The following PPP4R4 variants were observed in gnomAD, a reference collection of about 807,000 sequenced individuals.
PPP4R4 encodes the protein protein phosphatase 4 regulatory subunit 4.
Under a neutral mutation model 121.8 loss-of-function variants are expected in PPP4R4, and 70 were observed. The ratio of observed to expected loss-of-function variants is 0.57; its 90% CI spans 0.47 to 0.70. PPP4R4 has a LOEUF of 0.70. Among genes scored for constraint, PPP4R4 ranks in the 30% least tolerant of loss-of-function variants. The pLI, the probability that PPP4R4 is intolerant of heterozygous loss-of-function variation, is 0.00. For missense variants in PPP4R4, 875 were observed against 1,033.6 expected (o/e 0.85, Z 2.10); for synonymous variants, 348 against 355.7 (o/e 0.98, Z 0.24).
At position 94,246,374 on chromosome 14, in the gene PPP4R4, CT is replaced by C; in HGVS notation, c.1448del (p.Leu483Ter). ...ATTTTCAGTTATCTTCTCTGCCTGA[CT>C]TGATTCCAGCACTCACAGCTGCTGA... ...QENKLSSLPD[L>X]IPALTAAEQR... On this transcript the variant is annotated frameshift_variant, in exon 14 of 25. Coordinates refer to ENST00000304338, the MANE Select transcript of PPP4R4 (RefSeq NM_058237.2). LOFTEE classifies it high-confidence loss of function. The C allele has an allele frequency of 6.2e-7, 1 of 1,603,822 alleles. No individual in the cohort carries two copies. The highest frequency in any genetic ancestry group is 8.5e-7 in the Non-Finnish European group (1 of 1,177,348).
intron 13 of PPP4R4, 123 bp from the exon 14 acceptor site, chr14:94,246,234 G>C (rs1892887055): frequency 1.4e-6 from 1 of 719,866 alleles, no homozygotes; most frequent in South Asian, 2.8e-5. Flanking sequence ...TGACAACTAA[G>C]ATGTCTCCTA....
chr14:94,258,511 A>G (rs1893597925), intron 17 of PPP4R4, among the ~76,000 whole-genome samples: 1 of 152,178 alleles, frequency 6.6e-6, no homozygotes, highest in Admixed American at 6.5e-5. Flanking sequence ...AATTAGTTAG[A>G]TTATATGCAT....
At chr14:94,232,794 C>A (rs1003167222) in intron 5 of PPP4R4, among the ~76,000 whole-genome samples, 2 of 152,036 alleles carry the variant, frequency 1.3e-5, no homozygotes, top group African/African-American at 4.8e-5. Context: ...CGCGGTGGCT[C>A]ACACCTGTAA....
intron 3 of PPP4R4, chr14:94,227,478 C>T: frequency 6.9e-7 from 1 of 1,457,618 alleles, no homozygotes; most frequent in South Asian, 1.5e-5. Context: ...GTGCTGGTTT[C>T]TTAACAGTGG....
chr14:94,250,538 C>T (rs567634959), intron 15 of PPP4R4, among the ~76,000 whole-genome samples: 1 of 151,928 alleles, frequency 6.6e-6, no homozygotes, highest in South Asian at 2.1e-4. Context: ...CCAGTATCTC[C>T]CCTGATGAAA....
In PPP4R4 at chr14:94,279,625, G is replaced by A. The variant is rs906127040; in HGVS notation, c.*982G>A. The A allele has an allele frequency of 6.6e-6, 1 of 152,516 alleles. No homozygotes were observed. Among genetic ancestry groups the A allele is most frequent in the Non-Finnish European group, 1.5e-5 (1 of 68,004 alleles). The allele number at this position is 152,516 out of a possible 1,614,324, so 9.4% of individuals were successfully genotyped here. A position where few individuals can be genotyped will look rare whatever the true frequency, so the allele number is the denominator to read the frequency against. On this transcript the variant is annotated 3_prime_UTR_variant, in exon 25 of 25. Coordinates refer to ENST00000304338, the MANE Select transcript of PPP4R4 (RefSeq NM_058237.2). ...TATTTGTTTTTTAAAATATATTGAT[G>A]TATGATAAAGATGATCTAATTTGTG...
intron 2 of PPP4R4, among the ~76,000 whole-genome samples, chr14:94,203,830 A>G (rs1219468573): frequency 6.6e-6 from 1 of 152,128 alleles, no homozygotes; most frequent in Non-Finnish European, 1.5e-5. Flanking sequence ...TGCAATCTGT[A>G]TATCATCCTC....
chr14:94,224,699 G>C (rs1206467967), intron 3 of PPP4R4, among the ~76,000 whole-genome samples: 1 of 152,110 alleles, frequency 6.6e-6, no homozygotes, highest in East Asian at 1.9e-4. Flanking sequence ...ATACCTTTGA[G>C]ACATCCGAAG....
intron 3 of PPP4R4, among the ~76,000 whole-genome samples, chr14:94,220,760 T>C (rs1232190877): frequency 1.3e-5 from 2 of 152,148 alleles, no homozygotes; most frequent in Non-Finnish European, 2.9e-5. Flanking sequence ...AACTGAAATA[T>C]AGATCATATT....
At chr14:94,211,480 G>A (rs1356916791) in intron 3 of PPP4R4, among the ~76,000 whole-genome samples, 1 of 152,168 alleles carries the variant, frequency 6.6e-6, no homozygotes, top group African/African-American at 2.4e-5. Flanking sequence ...TAGCCCTAAG[G>A]TGAAAGAGCT....
chr14:94,231,069 A>G (rs1231286766), intron 4 of PPP4R4, among the ~76,000 whole-genome samples, 173 bp from the exon 5 acceptor site: 1 of 152,232 alleles, frequency 6.6e-6, no homozygotes, highest in Non-Finnish European at 1.5e-5. Context: ...TTAAAAATAT[A>G]AAAATTTTCT....
At chr14:94,261,442 T>A (rs1174543903) in intron 19 of PPP4R4, among the ~76,000 whole-genome samples, 1 of 152,106 alleles carries the variant, frequency 6.6e-6, no homozygotes, top group Non-Finnish European at 1.5e-5. Context: ...CTTTCTAAAT[T>A]TGTTTATTCT....
intron 10 of PPP4R4, 88 bp from the exon 11 acceptor site, chr14:94,242,201 T>C: frequency 7.0e-7 from 1 of 1,438,794 alleles, no homozygotes; most frequent in Non-Finnish European, 9.5e-7. Flanking sequence ...GAACATGATT[T>C]CAATTTAAGT....
At position 94,234,666 on chromosome 14, in the gene PPP4R4, T is replaced by A. The variant is rs746889894; in HGVS notation, c.728T>A (p.Ile243Asn). ...CRQLENIAQG[I>N]GTELTKSVVL... ...CAATTAGAAAATATAGCCCAGGGCATTGGGTAGGTATACTTTGAATTCCTT... is the reference window on the plus strand; with the variant it reads ...CAATTAGAAAATATAGCCCAGGGCAATGGGTAGGTATACTTTGAATTCCTT... The change falls in exon 7 of 25, where the codon ATT (isoleucine) becomes AAT (asparagine). Residue 243 changes from isoleucine (I) to asparagine (N), a missense_variant. Transcript: ENST00000304338. 1.9e-6 allele frequency: 3 copies of A among 1,566,270 alleles called. No homozygotes were observed. Among genetic ancestry groups the A allele is most frequent in the Non-Finnish European group, 2.6e-6 (3 of 1,137,082 alleles).
At chr14:94,242,540 T>A (rs1566684186) in intron 11 of PPP4R4, 132 bp downstream of exon 11, 2 of 930,336 alleles carry the variant, frequency 2.1e-6, no homozygotes, top group East Asian at 5.5e-5. Flanking sequence ...AAATCTTGTT[T>A]AAAAATTTCC....
At chr14:94,194,452 T>C (rs991083492) in intron 2 of PPP4R4, among the ~76,000 whole-genome samples, 1 of 152,212 alleles carries the variant, frequency 6.6e-6, no homozygotes, top group Non-Finnish European at 1.5e-5. Context: ...TTTTAAAATC[T>C]GGGAAGCTGG....
chr14:94,254,193 T>C (rs984613768), intron 16 of PPP4R4, among the ~76,000 whole-genome samples: 4 of 152,206 alleles, frequency 2.6e-5, no homozygotes, highest in Non-Finnish European at 4.4e-5. Flanking sequence ...ATCATTACGA[T>C]GGCTTGGGTA....
intron 3 of PPP4R4, among the ~76,000 whole-genome samples, chr14:94,218,735 T>TGC (rs1555354534): frequency 1.8e-5 from 1 of 56,180 alleles, no homozygotes; most frequent in Non-Finnish European, 3.6e-5. Context: ...ACACCGCACG[T>TGC]GCGCGCGCGC....
At position 94,230,575 on chromosome 14, in the gene PPP4R4, C is replaced by T. The variant is rs1305549771; in HGVS notation, c.295-12C>T. ...CATCTATGTAAATAGCAAACTCTTT[C>T]TGATTATACAGGAAGCCCTGCATGT... is the stretch of plus-strand genomic sequence containing the variant. On this transcript the variant is annotated splice_polypyrimidine_tract_variant and intron_variant, in intron 3 of 24. Transcript: ENST00000304338. 1 of 1,601,214 alleles carries T rather than the reference C, an allele frequency of 6.2e-7. No individual in the cohort carries two copies. The highest frequency in any genetic ancestry group is 2.2e-5 in the East Asian group (1 of 44,818).
Sources: allele counts gnomAD v4.1 joint callset (sites outside exome capture counted in the v4.1 genomes callset), GRCh38; gene constraint gnomAD v4.1.1; transcripts MANE v1.5; gene names NCBI Gene and HGNC (gene_info 2026-07-23, HGNC 2026-07-21).